LSAMP: variants seen among roughly 807,000 people sequenced by gnomAD.
The protein encoded by LSAMP is limbic system associated membrane protein.
LSAMP carries 7 observed loss-of-function variants against 38.6 expected under a neutral mutation model. That is an observed-to-expected ratio of 0.18 (90% CI 0.10 to 0.34). The LOEUF is 0.34. LSAMP is among the 10% of genes least tolerant of loss of function. LSAMP has a pLI of 1.00. For synonymous variants in LSAMP, 154 were observed against 166.8 expected, an observed-to-expected ratio of 0.92 and a Z score of 0.59; for missense variants, 313 against 420.0, an observed-to-expected ratio of 0.75 and a Z score of 2.23.
intron 1 of LSAMP, among the ~76,000 whole-genome samples, chr3:116,263,124 G>T (rs1469163502): frequency 6.6e-6 from 1 of 152,100 alleles, no homozygotes; most frequent in Non-Finnish European, 1.5e-5. Flanking sequence ...GTTAGCGTGG[G>T]ACCACTTGTT....
chr3:116,443,773 G>T (rs980261336), intron 1 of LSAMP, among the ~76,000 whole-genome samples: 1 of 152,176 alleles, frequency 6.6e-6, no homozygotes, highest in Admixed American at 6.5e-5. Flanking sequence ...TGGAGGAAAT[G>T]AGATTTTTAA....
Position 116,094,383 on chromosome 3 carries a change from T to C in LSAMP, c.156-7827A>G, listed in dbSNP as rs562895460. Reference sequence around the variant, plus strand: ...TATCTTGGTGTCATTCTCTTGCTCTTGTGCATGTCTGTTCTCCTCATCTTC... The same window carrying C: ...TATCTTGGTGTCATTCTCTTGCTCTCGTGCATGTCTGTTCTCCTCATCTTC... On this transcript the variant is annotated intron_variant, in intron 1 of 6. Transcript: ENST00000490035. Among the ~76,000 whole-genome samples the C allele has an allele frequency of 2.6e-5, 4 of 152,328 alleles. No individual in the cohort carries two copies. In the South Asian group the frequency reaches 6.2e-4, roughly 24 times the overall value.
At chr3:115,966,274 C>T in intron 3 of LSAMP, among the ~76,000 whole-genome samples, 1 of 152,184 alleles carries the variant, frequency 6.6e-6, no homozygotes, top group East Asian at 1.9e-4. Flanking sequence ...TACAAGTTAA[C>T]CTATACAGTA....
At chr3:116,148,507 C>A (rs1408869791) in intron 1 of LSAMP, among the ~76,000 whole-genome samples, 2 of 151,820 alleles carry the variant, frequency 1.3e-5, no homozygotes, top group African/African-American at 4.8e-5. Flanking sequence ...TAGTCATATC[C>A]AATAGCAAAT....
intron 3 of LSAMP, among the ~76,000 whole-genome samples, chr3:115,962,374 C>A (rs1029535521): frequency 6.6e-6 from 1 of 152,142 alleles, no homozygotes; most frequent in Non-Finnish European, 1.5e-5. Flanking sequence ...GGAAGAGGAA[C>A]ATTTTCTTCA....
chr3:116,424,953 T>C (rs886417285), intron 1 of LSAMP, among the ~76,000 whole-genome samples: 2 of 151,966 alleles, frequency 1.3e-5, no homozygotes, highest in Non-Finnish European at 2.9e-5. Context: ...TGCATTACTC[T>C]TAAAAATGCC....
At chr3:115,860,692 A>T (rs1308369581) in intron 3 of LSAMP, among the ~76,000 whole-genome samples, 1 of 152,222 alleles carries the variant, frequency 6.6e-6, no homozygotes, top group African/African-American at 2.4e-5. Context: ...ATAAAAACCT[A>T]TTGGTACACA....
chr3:116,369,151 G>C (rs567649693), intron 1 of LSAMP, among the ~76,000 whole-genome samples: 38 of 152,094 alleles, frequency 2.5e-4, no homozygotes, highest in Non-Finnish European at 5.1e-4. Context: ...AAAAAGAGAA[G>C]ATTGATCCTG....
intron 1 of LSAMP, among the ~76,000 whole-genome samples, chr3:116,259,249 A>G (rs761086093): frequency 1.3e-5 from 2 of 152,168 alleles, no homozygotes; most frequent in Non-Finnish European, 2.9e-5. Context: ...ACATGCCTCA[A>G]TCAATTGCAT....
intron 2 of LSAMP, among the ~76,000 whole-genome samples, chr3:116,026,945 C>T (rs577110796): frequency 6.6e-6 from 1 of 152,302 alleles, no homozygotes; most frequent in South Asian, 2.1e-4. Flanking sequence ...TCAGCTGAGC[C>T]TCTTAATCCC....
At chr3:116,416,826 T>C (rs1304170170) in intron 1 of LSAMP, among the ~76,000 whole-genome samples, 1 of 152,020 alleles carries the variant, frequency 6.6e-6, no homozygotes, top group Admixed American at 6.6e-5. Flanking sequence ...TAAACCTCTT[T>C]GTGTCCTCAA....
chr3:115,877,625 G>A (rs960191024), intron 3 of LSAMP, among the ~76,000 whole-genome samples: 17 of 152,090 alleles, frequency 1.1e-4, no homozygotes, highest in African/African-American at 4.1e-4. Context: ...TTCCCTACTA[G>A]AAGCAGAGGA....
At chr3:116,267,991 A>G (rs1222946019) in intron 1 of LSAMP, among the ~76,000 whole-genome samples, 1 of 152,158 alleles carries the variant, frequency 6.6e-6, no homozygotes, top group Non-Finnish European at 1.5e-5. Flanking sequence ...CAACACATTC[A>G]AGATGGCAAA....
intron 1 of LSAMP, among the ~76,000 whole-genome samples, chr3:116,380,492 G>T (rs2048544655): frequency 6.6e-6 from 1 of 151,500 alleles, no homozygotes; most frequent in African/African-American, 2.4e-5. Flanking sequence ...TCTACCCATT[G>T]TTGCCTGCCC....
intron 1 of LSAMP, among the ~76,000 whole-genome samples, chr3:116,311,170 G>C (rs902477660): frequency 6.6e-6 from 1 of 151,972 alleles, no homozygotes; most frequent in Non-Finnish European, 1.5e-5. Context: ...GGATAACCCT[G>C]AAAACCATAA....
At chr3:116,344,134 ACC>A in intron 1 of LSAMP, among the ~76,000 whole-genome samples, 1 of 152,226 alleles carries the variant, frequency 6.6e-6, no homozygotes, top group East Asian at 1.9e-4. Context: ...GAATAATGGC[ACC>A]ACCTTTTCCC....
chr3:116,416,113 T>C (rs545848348), intron 1 of LSAMP, among the ~76,000 whole-genome samples: 2 of 152,262 alleles, frequency 1.3e-5, no homozygotes, highest in African/African-American at 4.8e-5. Flanking sequence ...TCTGCAAAAC[T>C]GAGGTAGTAT....
chr3:116,429,202 T>TTCATACTC (rs2049244845), intron 1 of LSAMP, among the ~76,000 whole-genome samples: 1 of 152,216 alleles, frequency 6.6e-6, no homozygotes, highest in Admixed American at 6.5e-5. Flanking sequence ...AGAGACTGGT[T>TTCATACTC]TCATACTCTG....
At chr3:116,340,919 A>G (rs2047983321) in intron 1 of LSAMP, among the ~76,000 whole-genome samples, 1 of 152,156 alleles carries the variant, frequency 6.6e-6, no homozygotes, top group Non-Finnish European at 1.5e-5. Context: ...GGCTCTTTCA[A>G]CATAGGAGAA....
Sources: allele counts gnomAD v4.1 joint callset (sites outside exome capture counted in the v4.1 genomes callset), GRCh38; gene constraint gnomAD v4.1.1; transcripts MANE v1.5; gene names NCBI Gene and HGNC (gene_info 2026-07-23, HGNC 2026-07-21).